The following PCCB variants were observed in gnomAD, a reference collection of about 807,000 sequenced individuals.
PCCB encodes the protein propionyl-CoA carboxylase subunit beta, also known as propionyl-CoA carboxylase beta chain, mitochondrial.
In PCCB, 43 loss-of-function variants were observed where a neutral mutation model predicts 60.7. The observed-to-expected ratio is 0.71, with a 90% CI of 0.55 to 0.91. The LOEUF (loss-of-function observed/expected upper bound fraction) is 0.91, where lower values mean the gene tolerates loss of function less well. PCCB is among the 40% of genes least tolerant of loss of function. The pLI is 0.00. For missense variants in PCCB, 766 were observed against 702.8 expected (o/e 1.09, Z -1.02); for synonymous variants, 276 against 255.9 (o/e 1.08, Z -0.75).
At chr3:136,262,635 A>G (rs1383424517) in intron 5 of PCCB, among the ~76,000 whole-genome samples, 1 of 152,236 alleles carries the variant, frequency 6.6e-6, no homozygotes, top group African/African-American at 2.4e-5. Flanking sequence ...AGTATAAAGT[A>G]TATTTGTGAG....
chr3:136,256,166 C>T (rs1559995480), intron 2 of PCCB, 191 bp downstream of exon 2: 1 of 775,950 alleles, frequency 1.3e-6, no homozygotes, highest in Non-Finnish European at 2.0e-6. Flanking sequence ...TGGCCTTGAA[C>T]TCCTGGCTTC....
intron 9 of PCCB, 141 bp downstream of exon 9, chr3:136,301,252 A>G (rs750453985): frequency 2.9e-5 from 21 of 720,808 alleles, no homozygotes; most frequent in South Asian, 1.0e-4. Flanking sequence ...GCACAGGACC[A>G]GTGGCCACTG....
intron 9 of PCCB, 54 bp downstream of exon 9, chr3:136,301,165 A>G (rs554843439): frequency 1.3e-5 from 18 of 1,417,614 alleles, no homozygotes; most frequent in Non-Finnish European, 7.0e-6. Flanking sequence ...ATTCATGGGC[A>G]TTGTGCTTCG....
chr3:136,255,757 C>T (rs1020024090), intron 1 of PCCB, 99 bp from the exon 2 acceptor site: 14 of 1,016,474 alleles, frequency 1.4e-5, no homozygotes, highest in Middle Eastern at 2.6e-4. Flanking sequence ...TTGAGATCAA[C>T]GGGCAAATCT....
At chr3:136,256,816 TG>T (rs1023117069) in intron 3 of PCCB, among the ~76,000 whole-genome samples, 193 bp downstream of exon 3, 2 of 152,144 alleles carry the variant, frequency 1.3e-5, no homozygotes, top group Non-Finnish European at 2.9e-5. Flanking sequence ...TAGTCTGTTT[TG>T]GGGGGGATCA....
chr3:136,321,183 A>T (rs1935095677), intron 10 of PCCB, among the ~76,000 whole-genome samples: 1 of 152,218 alleles, frequency 6.6e-6, no homozygotes, highest in South Asian at 2.1e-4. Flanking sequence ...CACAGTGTAT[A>T]ACCTCTTTAA....
chr3:136,284,380 C>G (rs1374698587), intron 6 of PCCB, among the ~76,000 whole-genome samples: 1 of 152,154 alleles, frequency 6.6e-6, no homozygotes, highest in Non-Finnish European at 1.5e-5. Flanking sequence ...AAGGATAAAT[C>G]TGATCTCACA....
In PCCB at chr3:136,321,109, G is replaced by A. The variant is rs143711019; in HGVS notation, c.1090+4045G>A. Among the ~76,000 whole-genome samples the A allele has an allele frequency of 7.4e-4, 113 of 152,194 alleles. No homozygotes were observed. In the East Asian group the frequency reaches 0.018, roughly 24 times the overall value. On this transcript the variant is annotated intron_variant, in intron 10 of 14. Coordinates refer to ENST00000251654, the MANE Select transcript of PCCB (RefSeq NM_000532.5). The stretch of plus-strand genomic sequence containing the variant: ...TTTTGTCCTTCCTTTTGTTAACATG[G>A]TGTATTATGTTGATTTTCTTATGTT...
intron 6 of PCCB, among the ~76,000 whole-genome samples, chr3:136,285,731 C>T (rs878938545): frequency 2.0e-5 from 3 of 152,086 alleles, no homozygotes; most frequent in Non-Finnish European, 2.9e-5. Flanking sequence ...TCCATTCAGA[C>T]TCTAGATGCT....
intron 5 of PCCB, among the ~76,000 whole-genome samples, chr3:136,273,598 T>TTTTTTTTTTTTTTTTTTTTTTA (rs1942261259): frequency 1.6e-5 from 1 of 62,272 alleles, no homozygotes; most frequent in East Asian, 2.7e-4. Context: ...TTCTTTTTTC[T>TTTTTTTTTTTTTTTTTTTTTTA]TTTTTTTTTT....
At chr3:136,271,063 T>C (rs1427276893) in intron 5 of PCCB, among the ~76,000 whole-genome samples, 2 of 152,252 alleles carry the variant, frequency 1.3e-5, no homozygotes, top group Non-Finnish European at 2.9e-5. Flanking sequence ...AAATATTTTC[T>C]CCAGCTCTGT....
At chr3:136,296,813 GAAT>G (rs1223601824) in intron 7 of PCCB, among the ~76,000 whole-genome samples, 2 of 152,094 alleles carry the variant, frequency 1.3e-5, no homozygotes, top group Non-Finnish European at 2.9e-5. Flanking sequence ...ATTTAAAATA[GAAT>G]AATAAAAATG....
rs1484917438 is a variant in PCCB, at chr3:136,250,352, A to G, written c.-24A>G. On this transcript the variant is annotated 5_prime_UTR_variant, in exon 1 of 15. Coordinates refer to ENST00000251654, the MANE Select transcript of PCCB (RefSeq NM_000532.5). ...CACATGCGTACTCAGGTGCGCCGGT[A>G]GGGGACGCGCCGGCACAGCAAAAAT... 2.0e-6 allele frequency: 3 copies of G among 1,491,512 alleles called. No individual in the cohort carries two copies. Among genetic ancestry groups the G allele is most frequent in the Non-Finnish European group, 2.7e-6 (3 of 1,115,598 alleles). 92.4% of individuals were successfully genotyped at this position (1,491,512 alleles called of 1,614,324 possible). A position where few individuals can be genotyped will look rare whatever the true frequency, so the allele number is the denominator to read the frequency against.
At chr3:136,290,336 A>G (rs868174246) in intron 6 of PCCB, among the ~76,000 whole-genome samples, 4 of 152,290 alleles carry the variant, frequency 2.6e-5, no homozygotes, top group African/African-American at 9.6e-5. Context: ...CAACACTTTA[A>G]ATATTTCATT....
chr3:136,261,583 T>G (rs35681043), intron 4 of PCCB, among the ~76,000 whole-genome samples: 49,133 of 151,784 alleles, frequency 0.32, 8,424 homozygotes, highest in African/African-American at 0.4. Context: ...TTCATGAAAG[T>G]ACTACTTTGC....
intron 1 of PCCB, among the ~76,000 whole-genome samples, chr3:136,254,773 T>C (rs1340072405): frequency 1.3e-5 from 2 of 149,378 alleles, no homozygotes; most frequent in Non-Finnish European, 3.0e-5. Context: ...GCTCAAGCGA[T>C]GCTCGTCTCA....
At chr3:136,287,758 T>A (rs1348568694) in intron 6 of PCCB, among the ~76,000 whole-genome samples, 1 of 152,246 alleles carries the variant, frequency 6.6e-6, no homozygotes, top group Non-Finnish European at 1.5e-5. Context: ...TCTTAACATA[T>A]TCATTCATTC....
At chr3:136,293,221 T>G (rs1933778567) in intron 6 of PCCB, among the ~76,000 whole-genome samples, 1 of 152,214 alleles carries the variant, frequency 6.6e-6, no homozygotes, top group Admixed American at 6.5e-5. Context: ...CAGGCTGGTC[T>G]TGAACTCCTG....
At chr3:136,255,783 C>T in intron 1 of PCCB, 73 bp from the exon 2 acceptor site, 1 of 1,376,496 alleles carries the variant, frequency 7.3e-7, no homozygotes. Flanking sequence ...TCAAGCCCTC[C>T]CATGAACAGC....
Sources: allele counts gnomAD v4.1 joint callset (sites outside exome capture counted in the v4.1 genomes callset), GRCh38; gene constraint gnomAD v4.1.1; transcripts MANE v1.5; gene names NCBI Gene and HGNC (gene_info 2026-07-23, HGNC 2026-07-21).